Variants in INPP4B observed in about 807,000 individuals in gnomAD.
INPP4B encodes inositol polyphosphate-4-phosphatase type II B.
A neutral mutation model predicts 122.5 loss-of-function variants in INPP4B; 55 were observed. That is an observed-to-expected ratio of 0.45 (90% CI 0.36 to 0.56). The LOEUF is 0.56. INPP4B is among the 20% of genes least tolerant of loss of function. The pLI, the probability that INPP4B is intolerant of heterozygous loss-of-function variation, is 0.00. For missense variants in INPP4B, 1,000 were observed against 1,097.7 expected (o/e 0.91, Z 1.26); for synonymous variants, 403 against 388.7 (o/e 1.04, Z -0.43).
intron 7 of INPP4B, among the ~76,000 whole-genome samples, chr4:142,370,700 A>G (rs1214324046): frequency 1.3e-5 from 2 of 152,064 alleles, no homozygotes; most frequent in Non-Finnish European, 2.9e-5. Flanking sequence ...TAGCTACAAC[A>G]AAAAAACACC....
In INPP4B at chr4:142,793,107, CA is replaced by C. The variant is rs565946879; in HGVS notation, c.-254+53101del. 1.2e-3 allele frequency among the ~76,000 whole-genome samples: 174 copies of C among 149,996 alleles called. 1 individual carries two copies. Among genetic ancestry groups the C allele is most frequent in the South Asian group, 7.2e-3 (34 of 4,746 alleles). ...GCTACAGAATCAGGGATGGGCCGATCAATTACACACGTTTATTTGTTTAATC... is the reference window on the plus strand; with the variant it reads ...GCTACAGAATCAGGGATGGGCCGATCATTACACACGTTTATTTGTTTAATC... On this transcript the variant is annotated intron_variant, in intron 1 of 25. Transcript: ENST00000262992.
intron 1 of INPP4B, among the ~76,000 whole-genome samples, chr4:142,737,343 C>G (rs331943): frequency 0.23 from 35,303 of 151,904 alleles, 4,356 homozygotes; most frequent in South Asian, 0.35. Context: ...ACAAACCTGA[C>G]AAAAACAAGC....
chr4:142,161,389 T>C (rs899308176), intron 16 of INPP4B, among the ~76,000 whole-genome samples: 21 of 151,996 alleles, frequency 1.4e-4, no homozygotes, highest in Middle Eastern at 3.2e-3. Context: ...TTAGCATGCA[T>C]GTGGCCTAAC....
At chr4:142,777,350 C>T (rs898719852) in intron 1 of INPP4B, among the ~76,000 whole-genome samples, 1 of 152,162 alleles carries the variant, frequency 6.6e-6, no homozygotes, top group Admixed American at 6.5e-5. Flanking sequence ...AAGAAGCAAT[C>T]ATGTGTAAAC....
chr4:142,580,932 T>A (rs185425168), intron 2 of INPP4B, among the ~76,000 whole-genome samples: 1 of 152,174 alleles, frequency 6.6e-6, no homozygotes, highest in African/African-American at 2.4e-5. Flanking sequence ...CTGGCCCAGG[T>A]GCAGGACATG....
intron 1 of INPP4B, among the ~76,000 whole-genome samples, chr4:142,741,561 T>A (rs1352615528): frequency 6.6e-6 from 1 of 151,892 alleles, no homozygotes; most frequent in Non-Finnish European, 1.5e-5. Context: ...AACAAAGGAA[T>A]AATAGGATAT....
intron 14 of INPP4B, among the ~76,000 whole-genome samples, chr4:142,205,412 T>C (rs1386332158): frequency 6.6e-6 from 1 of 152,160 alleles, no homozygotes; most frequent in Non-Finnish European, 1.5e-5. Flanking sequence ...TGTGATGATT[T>C]CTTCAAAATG....
At chr4:142,281,080 A>G (rs528066623) in intron 9 of INPP4B, among the ~76,000 whole-genome samples, 122 of 151,518 alleles carry the variant, frequency 8.1e-4, no homozygotes, top group African/African-American at 3.0e-3. Flanking sequence ...ACTGTTCCTG[A>G]GACTTTTTGT....
chr4:142,039,235 T>G (rs948695528), intron 25 of INPP4B, among the ~76,000 whole-genome samples: 3 of 152,160 alleles, frequency 2.0e-5, no homozygotes, highest in Non-Finnish European at 4.4e-5. Context: ...GGGGGCAAAT[T>G]GGAAGAATAC....
chr4:142,213,283 T>A (rs188113031), intron 12 of INPP4B, among the ~76,000 whole-genome samples: 1 of 152,204 alleles, frequency 6.6e-6, no homozygotes. Flanking sequence ...AGGTGTTGGG[T>A]CTCTATCGTA....
chr4:142,131,261 G>A (rs750255601), intron 18 of INPP4B, among the ~76,000 whole-genome samples: 139 of 152,298 alleles, frequency 9.1e-4, no homozygotes, highest in Non-Finnish European at 1.4e-3. Flanking sequence ...CTACATCAGT[G>A]AGCTCCTGTC....
At chr4:142,138,984 T>C (rs931435592) in intron 18 of INPP4B, among the ~76,000 whole-genome samples, 1 of 152,226 alleles carries the variant, frequency 6.6e-6, no homozygotes, top group Non-Finnish European at 1.5e-5. Context: ...GTTTAATCTA[T>C]CTGCTAATGC....
intron 2 of INPP4B, among the ~76,000 whole-genome samples, chr4:142,666,035 CTCTA>C (rs1755990301): frequency 6.6e-6 from 1 of 152,154 alleles, no homozygotes; most frequent in Non-Finnish European, 1.5e-5. Context: ...GCCTATTTCT[CTCTA>C]AAAATATCTT....
intron 2 of INPP4B, among the ~76,000 whole-genome samples, chr4:142,658,523 A>G (rs1754568957): frequency 6.6e-6 from 1 of 152,246 alleles, no homozygotes; most frequent in South Asian, 2.1e-4. Context: ...CCTGTGATCA[A>G]GATATGGAGC....
chr4:142,201,280 A>G (rs545785477), intron 14 of INPP4B, among the ~76,000 whole-genome samples: 76 of 152,204 alleles, frequency 5.0e-4, no homozygotes, highest in African/African-American at 1.8e-3. Flanking sequence ...ATGGTCTGAA[A>G]TAACATTTTG....
intron 1 of INPP4B, among the ~76,000 whole-genome samples, chr4:142,806,340 A>G (rs1580961600): frequency 6.6e-6 from 1 of 151,492 alleles, no homozygotes; most frequent in Non-Finnish European, 1.5e-5. Context: ...TGTGTGCACT[A>G]TATTTTCAGG....
chr4:142,277,824 C>T (rs543193347), intron 9 of INPP4B, among the ~76,000 whole-genome samples: 3 of 151,840 alleles, frequency 2.0e-5, no homozygotes, highest in South Asian at 2.1e-4. Context: ...AACCAAACAT[C>T]GTATGTTCTC....
At chr4:142,419,831 A>G (rs2149301473) in intron 5 of INPP4B, among the ~76,000 whole-genome samples, 1 of 152,232 alleles carries the variant, frequency 6.6e-6, no homozygotes, top group Non-Finnish European at 1.5e-5. Flanking sequence ...ACAAATTTCA[A>G]GCACACAGAC....
chr4:142,100,614 T>C (rs1784069065), intron 23 of INPP4B, among the ~76,000 whole-genome samples: 1 of 152,188 alleles, frequency 6.6e-6, no homozygotes, highest in South Asian at 2.1e-4. Context: ...TACCTCAGTA[T>C]AGCCTAGGCT....
Sources: gnomAD v4.1 joint callset for allele counts (sites outside exome capture counted in the v4.1 genomes callset) on GRCh38, gnomAD v4.1.1 for gene constraint, MANE v1.5 for transcripts, NCBI Gene and HGNC (gene_info 2026-07-23, HGNC 2026-07-21) for gene names.